Variants in C8orf74 observed in about 807,000 individuals in gnomAD.
C8orf74 encodes the protein uncharacterized protein C8orf74.
In C8orf74, 29 loss-of-function variants were observed where a neutral mutation model predicts 22.2. The observed-to-expected ratio is 1.31, with a 90% CI of 0.97 to 1.78. The LOEUF is 1.78. Ranked by LOEUF, C8orf74 falls within the 40% of genes most tolerant of loss-of-function variation. The pLI, the probability that C8orf74 is intolerant of heterozygous loss-of-function variation, is 0.00. For synonymous variants in C8orf74, 255 were observed against 163.1 expected (o/e 1.56, Z -4.30); for missense variants, 515 against 369.9 (o/e 1.39, Z -3.22).
At chr8:10,682,410 C>T (rs1488155357) in intron 2 of C8orf74, among the ~76,000 whole-genome samples, 1 of 152,200 alleles carries the variant, frequency 6.6e-6, no homozygotes, top group East Asian at 1.9e-4. Context: ...CCTCATAGTT[C>T]TGGAGGCTGG....
At chr8:10,676,838 T>C (rs1226966217) in intron 2 of C8orf74, among the ~76,000 whole-genome samples, 1 of 152,132 alleles carries the variant, frequency 6.6e-6, no homozygotes, top group Non-Finnish European at 1.5e-5. Flanking sequence ...GAGGGGCTCG[T>C]GGCCAGAACA....
chr8:10,691,728 C>G (rs1046579346), intron 2 of C8orf74: 1 of 152,328 alleles, frequency 6.6e-6, no homozygotes, highest in African/African-American at 2.4e-5. Flanking sequence ...CTCAGTACCT[C>G]TCCACCAGGT....
chr8:10,682,948 G>C (rs1176194107), intron 2 of C8orf74, among the ~76,000 whole-genome samples: 1 of 152,248 alleles, frequency 6.6e-6, no homozygotes, highest in Non-Finnish European at 1.5e-5. Flanking sequence ...ACTGAGGTCT[G>C]GAGAGATTGG....
intron 1 of C8orf74, 41 bp from the exon 2 acceptor site, chr8:10,674,605 C>G: frequency 2.6e-6 from 4 of 1,536,420 alleles, no homozygotes; most frequent in Non-Finnish European, 3.5e-6. Context: ...GCCCTGCAAC[C>G]CCCACATCAT....
chr8:10,678,689 G>A (rs1050886217), intron 2 of C8orf74, among the ~76,000 whole-genome samples: 4 of 152,158 alleles, frequency 2.6e-5, no homozygotes, highest in African/African-American at 9.7e-5. Context: ...CCCAGTGGGT[G>A]ACTGACCCAC....
In C8orf74 at chr8:10,674,679, C is replaced by G; in HGVS notation, c.82C>G (p.Leu28Val). 1 of 1,610,476 alleles carries G rather than the reference C, an allele frequency of 6.2e-7. No individual in the cohort carries two copies. ...PQGRERLRRL[L>V]NWEEFDEQRD... is the part of the protein sequence containing the mutation. ...AGGTCGGGAGCGCCTGCGGAGGCTT[C>G]TGAACTGGGAGGAGTTTGACGAACA... The change falls in exon 2 of 4, where the codon CTG becomes GTG. Residue 28 changes from leucine (L) to valine (V), a missense_variant. By Grantham distance (32) the Leu-to-Val change is conservative. Transcript: ENST00000304519.
rs1392431566 is a variant in C8orf74 at position 10,691,311 on chromosome 8, GAGC to G, written c.242-6286_242-6284del. The G allele has an allele frequency of 2.2e-5, 5 of 226,250 alleles. No individual in the cohort carries two copies. The Admixed American group carries it at 2.3e-4, about 10-fold the overall frequency. The allele number at this position is 226,250 out of a possible 1,614,324, so 14.0% of individuals were successfully genotyped here. On this transcript the variant is annotated intron_variant, in intron 2 of 3. Coordinates refer to ENST00000304519, the MANE Select transcript of C8orf74 (RefSeq NM_001040032.2). ...GCCAGGACACCCAGGCACGGCTGCT[GAGC>G]ACATTCACACTACTGAGCCTGGCAG...
intron 2 of C8orf74, chr8:10,687,276 G>C (rs1799280995): frequency 2.7e-6 from 1 of 364,696 alleles, no homozygotes; most frequent in East Asian, 7.5e-5. Context: ...TTACAGGTAA[G>C]AACACTGCTG....
intron 3 of C8orf74, among the ~76,000 whole-genome samples, chr8:10,698,938 C>T (rs2129059417): frequency 6.9e-6 from 1 of 144,496 alleles, no homozygotes; most frequent in East Asian, 2.2e-4. Flanking sequence ...CACACACACA[C>T]ACACACACGA....
At chr8:10,682,088 C>A (rs1162952325) in intron 2 of C8orf74, among the ~76,000 whole-genome samples, 3 of 152,172 alleles carry the variant, frequency 2.0e-5, no homozygotes, top group African/African-American at 7.2e-5. Context: ...CGGGGAGCCT[C>A]CAGCCTCTCA....
chr8:10,700,301 C>G lies in C8orf74; in HGVS notation c.715C>G (p.Arg239Gly). The G allele has an allele frequency of 1.2e-6, 2 of 1,613,574 alleles. No individual in the cohort carries two copies. The highest frequency in any genetic ancestry group is 1.3e-5 in the African/African-American group (1 of 75,028). The change falls in exon 4 of 4, where the codon CGC becomes GGC. Residue 239 changes from arginine to glycine, a missense_variant. Coordinates refer to ENST00000304519, the MANE Select transcript of C8orf74 (RefSeq NM_001040032.2). Reference protein sequence around the residue: ...QMELLQELLQRQIQNTFAILD... With the variant: ...QMELLQELLQGQIQNTFAILD... Reference sequence around the variant, plus strand: ...GGAGCTCCTGCAGGAGCTGCTGCAGCGCCAGATCCAGAACACATTCGCCAT... The same window carrying G: ...GGAGCTCCTGCAGGAGCTGCTGCAGGGCCAGATCCAGAACACATTCGCCAT...
At chr8:10,689,866 AG>A (rs1035450694) in intron 2 of C8orf74, 5 of 152,112 alleles carry the variant, frequency 3.3e-5, no homozygotes, top group Non-Finnish European at 7.4e-5. Flanking sequence ...GAAGAGGCGG[AG>A]GGGGAGGAAG....
At chr8:10,678,740 A>T (rs1799086004) in intron 2 of C8orf74, among the ~76,000 whole-genome samples, 1 of 152,188 alleles carries the variant, frequency 6.6e-6, no homozygotes, top group Admixed American at 6.5e-5. Flanking sequence ...GGCTGGCTGC[A>T]GTGGGGAGAG....
chr8:10,686,981 G>T, intron 2 of C8orf74: 3 of 414,836 alleles, frequency 7.2e-6, no homozygotes, highest in Non-Finnish European at 1.5e-5. Flanking sequence ...CCATAGGTGA[G>T]TAGAATCACC....
intron 3 of C8orf74, among the ~76,000 whole-genome samples, chr8:10,698,397 G>A (rs1172306535): frequency 6.6e-6 from 1 of 152,124 alleles, no homozygotes; most frequent in Admixed American, 6.6e-5. Flanking sequence ...TCCAGAGCCG[G>A]CATGCCCCTA....
In C8orf74 at chr8:10,694,988, G is replaced by A. The variant is rs574545834; in HGVS notation, c.242-2611G>A. 1.0e-3 allele frequency among the ~76,000 whole-genome samples: 151 copies of A among 151,660 alleles called. 1 individual carries two copies. The highest frequency in any genetic ancestry group is 3.4e-3 in the African/African-American group (142 of 41,294). On this transcript the variant is annotated intron_variant, in intron 2 of 3. Transcript: ENST00000304519. ...GATGGACGGATGGATGGATGGATAA[G>A]TGGAAGGATGATGGATGAATGGATG... is the stretch of plus-strand genomic sequence containing the variant.
chr8:10,685,467 AG>A (rs1306119442), intron 2 of C8orf74, among the ~76,000 whole-genome samples: 2 of 152,380 alleles, frequency 1.3e-5, no homozygotes, highest in East Asian at 1.9e-4. Flanking sequence ...AGCCTTACAA[AG>A]GAAGGCAATT....
chr8:10,681,867 G>A (rs1166662557), intron 2 of C8orf74, among the ~76,000 whole-genome samples: 6 of 152,116 alleles, frequency 3.9e-5, no homozygotes, highest in South Asian at 2.1e-4. Context: ...TCATGGTCCT[G>A]GCATCTGCAG....
chr8:10,699,453 G>T (rs1465288101), intron 3 of C8orf74, among the ~76,000 whole-genome samples: 1 of 152,248 alleles, frequency 6.6e-6, no homozygotes, highest in Non-Finnish European at 1.5e-5. Context: ...GTGAATACAA[G>T]ATCTCAAAGA....
Sources: allele counts gnomAD v4.1 joint callset (sites outside exome capture counted in the v4.1 genomes callset), GRCh38; gene constraint gnomAD v4.1.1; transcripts MANE v1.5; gene names NCBI Gene and HGNC (gene_info 2026-07-23, HGNC 2026-07-21).